Variants in TMX3 observed in about 807,000 individuals in gnomAD.
TMX3 encodes the protein protein disulfide-isomerase TMX3.
TMX3 carries 40 observed loss-of-function variants against 64.4 expected under a neutral mutation model. The ratio of observed to expected loss-of-function variants is 0.62; its 90% CI spans 0.48 to 0.81. TMX3 has a LOEUF of 0.81. Ranked by LOEUF, TMX3 falls within the 30% of genes least tolerant of loss-of-function variation. The probability of loss-of-function intolerance (pLI) is 0.00; values close to 1 mark genes in which losing one functional copy is unlikely to be tolerated. For synonymous variants in TMX3, 189 were observed against 175.7 expected (o/e 1.08, Z -0.60); for missense variants, 497 against 534.5 (o/e 0.93, Z 0.69).
intron 10 of TMX3, chr18:68,686,872 C>CA: frequency 1.0e-6 from 1 of 985,196 alleles, no homozygotes; most frequent in Non-Finnish European, 1.2e-6. Flanking sequence ...AAATATCCCC[C>CA]AAAACGTTAC....
At chr18:68,678,216 CAA>C (rs1448922475) in intron 15 of TMX3, among the ~76,000 whole-genome samples, 3 of 151,986 alleles carry the variant, frequency 2.0e-5, no homozygotes, top group African/African-American at 4.8e-5. Context: ...AGGAAAAAAA[CAA>C]AGAGTCCCAG....
At chr18:68,684,396 T>C (rs749283192) in intron 11 of TMX3, 32 bp downstream of exon 11, 29 of 1,597,204 alleles carry the variant, frequency 1.8e-5, no homozygotes, top group Admixed American at 6.7e-5. Flanking sequence ...AAATGAACAT[T>C]TGAAGCTTAA....
At chr18:68,714,332 A>T (rs1212666607) in intron 1 of TMX3, 2 of 156,112 alleles carry the variant, frequency 1.3e-5, no homozygotes, top group Non-Finnish European at 2.8e-5. Context: ...AAGAAAGTCG[A>T]GCTGCAACTC....
intron 2 of TMX3, among the ~76,000 whole-genome samples, chr18:68,713,043 G>A (rs2031446247): frequency 6.6e-6 from 1 of 151,088 alleles, no homozygotes; most frequent in African/African-American, 2.4e-5. Context: ...GCTCCTCAGT[G>A]TTCCATCTCT....
intron 7 of TMX3, 30 bp downstream of exon 7, chr18:68,697,902 C>T: frequency 7.2e-7 from 1 of 1,385,610 alleles, no homozygotes; most frequent in African/African-American, 1.4e-5. Context: ...TACAATACAT[C>T]TGTTTTTGTG....
chr18:68,713,295 G>A (rs111500925), intron 2 of TMX3, among the ~76,000 whole-genome samples: 1,866 of 152,296 alleles, frequency 0.012, 15 homozygotes, highest in African/African-American at 0.021. Flanking sequence ...ACTGGGTTGG[G>A]AGTGTAGACA....
At chr18:68,714,887 G>A (rs762260660) in intron 1 of TMX3, 49 bp downstream of exon 1, 31 of 1,547,322 alleles carry the variant, frequency 2.0e-5, no homozygotes, top group Non-Finnish European at 2.5e-5. Flanking sequence ...CCACGGCGGG[G>A]CCAGGTCCCA....
chr18:68,713,747 A>T, intron 2 of TMX3, 99 bp downstream of exon 2: 1 of 563,128 alleles, frequency 1.8e-6, no homozygotes, highest in South Asian at 5.9e-5. Context: ...GATATATAAA[A>T]ATTGGTTCCA....
Position 68,677,091 on chromosome 18 carries a change from C to T in TMX3, c.1207G>A (p.Gly403Arg), listed in dbSNP as rs1912998800. 1.2e-6 allele frequency: 2 copies of T among 1,613,806 alleles called. No homozygotes were observed. Among genetic ancestry groups the T allele is most frequent in the East Asian group, 4.5e-5 (2 of 44,868 alleles). ...CYGIYTADTDGGYIEERYEVS... is the reference protein window; with the variant it reads ...CYGIYTADTDRGYIEERYEVS... Reference sequence around the variant, plus strand: ...TCATATCGTTCTTCTATATAACCTCCATCTGTGTCGGCTGTGTAGATTCCA... The same window carrying T: ...TCATATCGTTCTTCTATATAACCTCTATCTGTGTCGGCTGTGTAGATTCCA... The change falls in exon 16 of 16, where the codon GGA becomes AGA. Residue 403 changes from glycine (G) to arginine (R), a missense_variant. Gly to Arg is a moderately radical substitution (Grantham distance 125). Around this residue, in one of 3 missense-constraint regions of TMX3, gnomAD observed 94 missense variants for 75.8 expected, o/e 1.24. Coordinates refer to ENST00000299608, the MANE Select transcript of TMX3 (RefSeq NM_019022.5).
intron 2 of TMX3, 129 bp from the exon 3 acceptor site, chr18:68,711,532 A>C: frequency 1.8e-6 from 1 of 540,762 alleles, no homozygotes; most frequent in Non-Finnish European, 3.1e-6. Context: ...TACTTTACAT[A>C]AAATTTTTAC....
chr18:68,713,560 A>C (rs376108050), intron 2 of TMX3, among the ~76,000 whole-genome samples: 3 of 152,338 alleles, frequency 2.0e-5, no homozygotes, highest in African/African-American at 7.2e-5. Context: ...CAGTACAGTT[A>C]CCAAATTCTA....
chr18:68,677,122 CA>C lies in TMX3; in HGVS notation c.1175del (p.Met392SerfsTer15). On this transcript the variant is annotated frameshift_variant, in exon 16 of 16. Coordinates refer to ENST00000299608, the MANE Select transcript of TMX3 (RefSeq NM_019022.5). LOFTEE classifies it low-confidence loss of function (END_TRUNC). ...TGTCGGCTGTGTAGATTCCATAGCACATGATACTGATGACACCCAGTGGCAG... is the reference window on the plus strand; with the variant it reads ...TGTCGGCTGTGTAGATTCCATAGCACTGATACTGATGACACCCAGTGGCAG... ...FGLPLGVISIMCYGIYTADTD... is the reference protein window; with the variant it reads ...FGLPLGVISIXCYGIYTADTD... 1 of 1,613,692 alleles carries C rather than the reference CA, an allele frequency of 6.2e-7. No homozygotes were observed. Among genetic ancestry groups the C allele is most frequent in the Non-Finnish European group, 8.5e-7 (1 of 1,179,748 alleles).
intron 12 of TMX3, 43 bp downstream of exon 12, chr18:68,684,147 A>G: frequency 6.9e-7 from 1 of 1,445,944 alleles, no homozygotes; most frequent in South Asian, 1.2e-5. Flanking sequence ...ACAAAATGGT[A>G]TTAAACAAAA....
chr18:68,675,858 T>A lies in TMX3; in HGVS notation c.*1075A>T, dbSNP rs1912885593. ...TAAGACAATGGAGAAGGTAACTGGC[T>A]GATCTCTTTTTTTTACACCGGATGT... On this transcript the variant is annotated 3_prime_UTR_variant, in exon 16 of 16. Coordinates refer to ENST00000299608, the MANE Select transcript of TMX3 (RefSeq NM_019022.5). 6.6e-6 allele frequency: 1 copy of A among 152,186 alleles called. No homozygotes were observed. The highest frequency in any genetic ancestry group is 2.4e-5 in the African/African-American group (1 of 41,446). The allele number at this position is 152,186 out of a possible 1,614,324, so 9.4% of individuals were successfully genotyped here. A position where few individuals can be genotyped will look rare whatever the true frequency, so the allele number is the denominator to read the frequency against.
At chr18:68,708,508 G>A (rs1309545555) in intron 4 of TMX3, among the ~76,000 whole-genome samples, 1 of 152,018 alleles carries the variant, frequency 6.6e-6, no homozygotes, top group Non-Finnish European at 1.5e-5. Context: ...TGTGATTTTA[G>A]TATGGGACAT....
Position 68,677,078 on chromosome 18 carries a change from T to C in TMX3, c.1220A>G (p.Glu407Gly), listed in dbSNP as rs1189745426. ...ACTTTTAGACACTTCATATCGTTCT[T>C]CTATATAACCTCCATCTGTGTCGGC... Reference protein sequence around the residue: ...YTADTDGGYIEERYEVSKSEN... With the variant: ...YTADTDGGYIGERYEVSKSEN... The change falls in exon 16 of 16, where the codon GAA (glutamate) becomes GGA (glycine). Residue 407 changes from glutamate to glycine, a missense_variant. Transcript: ENST00000299608. The C allele has an allele frequency of 1.9e-6, 3 of 1,613,894 alleles. No individual in the cohort carries two copies. The highest frequency in any genetic ancestry group is 4.5e-5 in the East Asian group (2 of 44,880).
chr18:68,696,833 G>A (rs1385822293), intron 8 of TMX3: 2 of 163,178 alleles, frequency 1.2e-5, no homozygotes, highest in Non-Finnish European at 2.6e-5. Context: ...TGTTTACTGA[G>A]GACTACTATC....
rs375156723 is a variant in TMX3, at chr18:68,675,055, T to A, written c.*1878A>T. 8 of 152,182 alleles carry A rather than the reference T, an allele frequency of 5.3e-5. No homozygotes were observed. The South Asian group carries it at 1.2e-3, about 24-fold the overall frequency. The allele number at this position is 152,182 out of a possible 1,614,324, so 9.4% of individuals were successfully genotyped here. A position where few individuals can be genotyped will look rare whatever the true frequency, so the allele number is the denominator to read the frequency against. The stretch of plus-strand genomic sequence containing the variant: ...ATGACTAATTATAAATATGAAAAAA[T>A]TCAGTGACATTTTCTATAACTATTT... On this transcript the variant is annotated 3_prime_UTR_variant, in exon 16 of 16. Transcript: ENST00000299608.
rs369647386 is a variant in TMX3, at chr18:68,678,914, GA to G, written c.1104+548del. ...AAAGTGTTCTATAAAAAGAATAAAA[GA>G]AAAAAAAAAGGAAGGAGAGAAAAAG... On this transcript the variant is annotated intron_variant, in intron 15 of 15. Coordinates refer to ENST00000299608, the MANE Select transcript of TMX3 (RefSeq NM_019022.5). Among the ~76,000 whole-genome samples, 490 of 132,448 alleles carry G rather than the reference GA, an allele frequency of 3.7e-3. 4 individuals carry two copies. The highest frequency in any genetic ancestry group is 0.012 in the African/African-American group (423 of 35,902). 86.9% of individuals were successfully genotyped at this position (132,448 alleles called of 152,430 possible). A position where few individuals can be genotyped will look rare whatever the true frequency, so the allele number is the denominator to read the frequency against.
Sources: gnomAD v4.1 joint callset for allele counts (sites outside exome capture counted in the v4.1 genomes callset) on GRCh38, gnomAD v4.1.1 for gene constraint, gnomAD v4.1.1 regional missense constraint, MANE v1.5 for transcripts, NCBI Gene and HGNC (gene_info 2026-07-23, HGNC 2026-07-21) for gene names.